The following DAB1 variants were observed in gnomAD, a reference collection of about 807,000 sequenced individuals.
DAB1 encodes the protein DAB adaptor protein 1.
Under a neutral mutation model 64.6 loss-of-function variants are expected in DAB1, and 15 were observed. That is an observed-to-expected ratio of 0.23 (90% CI 0.16 to 0.36). The LOEUF (loss-of-function observed/expected upper bound fraction) is 0.36, where lower values mean the gene tolerates loss of function less well. DAB1 is among the 10% of genes least tolerant of loss of function. The pLI is 1.00. For synonymous variants in DAB1, 235 were observed against 251.9 expected, an observed-to-expected ratio of 0.93 and a Z score of 0.64; for missense variants, 596 against 706.7, an observed-to-expected ratio of 0.84 and a Z score of 1.78.
chr1:57,773,274 T>A (rs1649642725), intron 6 of DAB1, among the ~76,000 whole-genome samples: 1 of 152,038 alleles, frequency 6.6e-6, no homozygotes, highest in South Asian at 2.1e-4. Context: ...TATATATGTG[T>A]TTGAATTAAA....
At chr1:57,071,755 G>C in intron 5 of DAB1, 114 bp from the exon 6 acceptor site, 1 of 998,652 alleles carries the variant, frequency 1.0e-6, no homozygotes, top group Non-Finnish European at 1.5e-6. Flanking sequence ...TAATCTGAAA[G>C]CATTCCATTC....
At chr1:57,953,440 AG>A (rs1405279437) in intron 5 of DAB1, among the ~76,000 whole-genome samples, 4 of 152,186 alleles carry the variant, frequency 2.6e-5, no homozygotes, top group Non-Finnish European at 5.9e-5. Context: ...TGCTAGATAT[AG>A]GCAAGTTTAT....
intron 7 of DAB1, among the ~76,000 whole-genome samples, chr1:57,548,715 C>G (rs1250544581): frequency 6.6e-6 from 1 of 152,140 alleles, no homozygotes; most frequent in African/African-American, 2.4e-5. Context: ...GCCTGGCATA[C>G]TTTTTGCCCC....
At chr1:58,062,474 GC>G (rs1648563911) in intron 5 of DAB1, among the ~76,000 whole-genome samples, 1 of 152,228 alleles carries the variant, frequency 6.6e-6, no homozygotes, top group South Asian at 2.1e-4. Flanking sequence ...CTGGCCACCT[GC>G]CTCTGCTATT....
intron 7 of DAB1, among the ~76,000 whole-genome samples, chr1:57,511,961 G>A (rs1190260657): frequency 6.6e-6 from 1 of 152,074 alleles, no homozygotes; most frequent in Non-Finnish European, 1.5e-5. Flanking sequence ...ATTTTTTAAA[G>A]CACTTACTCT....
intron 2 of DAB1, among the ~76,000 whole-genome samples, chr1:57,237,943 A>G (rs747739900): frequency 6.6e-6 from 1 of 152,140 alleles, no homozygotes; most frequent in Non-Finnish European, 1.5e-5. Context: ...GAGAAAAGAC[A>G]AATTGGTGGT....
At chr1:57,879,684 G>A (rs1644111898) in intron 1 of DAB1, among the ~76,000 whole-genome samples, 2 of 152,088 alleles carry the variant, frequency 1.3e-5, no homozygotes, top group Admixed American at 1.3e-4. Flanking sequence ...GTGTATTTAT[G>A]GAATGAATGA....
intron 7 of DAB1, among the ~76,000 whole-genome samples, chr1:57,607,484 G>A (rs1404554065): frequency 1.3e-5 from 2 of 152,126 alleles, no homozygotes; most frequent in African/African-American, 4.8e-5. Flanking sequence ...ACCCAGTCAT[G>A]TGAAATCTTT....
At chr1:58,159,071 C>T (rs1384207232) in intron 4 of DAB1, among the ~76,000 whole-genome samples, 3 of 152,146 alleles carry the variant, frequency 2.0e-5, no homozygotes, top group Admixed American at 6.5e-5. Flanking sequence ...AAGCTCTTGC[C>T]CTTGCTAGTG....
chr1:58,518,229 AGGGG>A (rs1646190943), intron 2 of DAB1, among the ~76,000 whole-genome samples: 1 of 2,726 alleles, frequency 3.7e-4, no homozygotes, highest in African/African-American at 2.1e-3. Flanking sequence ...GAGAGGGGAG[AGGGG>A]AGAGGGGAGA....
At chr1:58,367,743 T>C (rs1265254233) in intron 3 of DAB1, among the ~76,000 whole-genome samples, 1 of 152,198 alleles carries the variant, frequency 6.6e-6, no homozygotes, top group African/African-American at 2.4e-5. Flanking sequence ...AATGTGATCT[T>C]GGAACTAGGC....
intron 3 of DAB1, among the ~76,000 whole-genome samples, chr1:58,414,083 T>C (rs997743391): frequency 1.3e-5 from 2 of 152,206 alleles, no homozygotes; most frequent in African/African-American, 4.8e-5. Context: ...TATCTAAATA[T>C]AGGAAAAGCA....
chr1:57,627,550 T>C (rs1645937529), intron 7 of DAB1, among the ~76,000 whole-genome samples: 1 of 152,220 alleles, frequency 6.6e-6, no homozygotes, highest in Non-Finnish European at 1.5e-5. Context: ...ACTTGTTTAG[T>C]ACTAGACAAC....
intron 4 of DAB1, among the ~76,000 whole-genome samples, chr1:57,103,834 A>G (rs1405814000): frequency 1.3e-5 from 2 of 152,130 alleles, no homozygotes; most frequent in Non-Finnish European, 1.5e-5. Context: ...TAAGCGGGGA[A>G]CCCAGGTAGG....
intron 9 of DAB1, among the ~76,000 whole-genome samples, chr1:57,057,962 C>T (rs72670400): frequency 9.2e-5 from 14 of 152,204 alleles, no homozygotes; most frequent in Non-Finnish European, 1.8e-4. Context: ...AGTTACAGGC[C>T]CCTCTTCAGA....
intron 4 of DAB1, among the ~76,000 whole-genome samples, chr1:57,113,776 T>C (rs1655870076): frequency 6.6e-6 from 1 of 152,194 alleles, no homozygotes; most frequent in Non-Finnish European, 1.5e-5. Context: ...AAGTGTTTCA[T>C]TACAGCCTGA....
At chr1:57,971,702 C>T (rs539130859) in intron 5 of DAB1, among the ~76,000 whole-genome samples, 8 of 152,212 alleles carry the variant, frequency 5.3e-5, no homozygotes, top group Admixed American at 3.9e-4. Flanking sequence ...ATTTTGTATC[C>T]GGGATCACAA....
intron 7 of DAB1, among the ~76,000 whole-genome samples, chr1:57,641,422 C>T (rs1203920669): frequency 5.1e-5 from 6 of 117,006 alleles, no homozygotes; most frequent in Admixed American, 1.3e-4. Flanking sequence ...CTCGCTCTGT[C>T]GCCCAGGCTA....
chr1:57,729,495 C>T (rs976260673), intron 6 of DAB1, among the ~76,000 whole-genome samples: 7 of 152,344 alleles, frequency 4.6e-5, no homozygotes, highest in Middle Eastern at 3.4e-3. Context: ...GGATAAGGAA[C>T]AGGTGGGCAC....
Sources: gnomAD v4.1 joint callset for allele counts (sites outside exome capture counted in the v4.1 genomes callset) on GRCh38, gnomAD v4.1.1 for gene constraint, MANE v1.5 for transcripts, NCBI Gene and HGNC (gene_info 2026-07-23, HGNC 2026-07-21) for gene names.